Variants in MGAT5 observed in about 807,000 individuals in gnomAD.
The protein encoded by MGAT5 is alpha-1,6-mannosylglycoprotein 6-beta-N-acetylglucosaminyltransferase, also known as alpha-1,6-mannosylglycoprotein 6-beta-N-acetylglucosaminyltransferase A.
Under a neutral mutation model 94.3 loss-of-function variants are expected in MGAT5, and 30 were observed. That is an observed-to-expected ratio of 0.32 (90% CI 0.24 to 0.43). The LOEUF is 0.43. Ranked by LOEUF, MGAT5 falls within the 20% of genes least tolerant of loss-of-function variation. MGAT5 has a pLI of 1.00. For missense variants in MGAT5, 691 were observed against 905.5 expected (o/e 0.76, Z 3.04); for synonymous variants, 310 against 322.9 (o/e 0.96, Z 0.43).
chr2:134,189,007 C>T (rs1274750401), intron 1 of MGAT5, among the ~76,000 whole-genome samples: 2 of 152,170 alleles, frequency 1.3e-5, no homozygotes, highest in Non-Finnish European at 2.9e-5. Context: ...CTGGGAGGGT[C>T]GCGAATGCAG....
At chr2:134,137,757 T>G (rs1314298997) in intron 1 of MGAT5, among the ~76,000 whole-genome samples, 2 of 152,206 alleles carry the variant, frequency 1.3e-5, no homozygotes, top group African/African-American at 4.8e-5. Context: ...TTTTTCTGCT[T>G]CATTTTTCTA....
chr2:134,182,619 A>G (rs1688790451), intron 1 of MGAT5, among the ~76,000 whole-genome samples: 1 of 152,166 alleles, frequency 6.6e-6, no homozygotes, highest in South Asian at 2.1e-4. Context: ...CAAAACATGC[A>G]CAGCCCTGGA....
Position 134,349,883 on chromosome 2 carries a change from C to T in MGAT5, c.1191C>T (p.His397=). The T allele has an allele frequency of 6.2e-7, 1 of 1,613,658 alleles. No homozygotes were observed. Among genetic ancestry groups the T allele is most frequent in the Non-Finnish European group, 8.5e-7 (1 of 1,179,696 alleles). Residue 397 remains histidine (H), a synonymous_variant, in exon 9 of 16, where the codon CAC becomes CAT. Coordinates refer to ENST00000281923, the MANE Select transcript of MGAT5 (RefSeq NM_002410.5). ...NHANYAQSKG[H]KTPWGKWNLN... is the part of the protein sequence containing the mutation. ...CAAATTATGCCCAATCGAAAGGCCA[C>T]AAGACCCCTTGGGGAAAATGGAATC...
intron 10 of MGAT5, among the ~76,000 whole-genome samples, chr2:134,389,867 C>G (rs2106245168): frequency 6.6e-6 from 1 of 152,304 alleles, no homozygotes; most frequent in Non-Finnish European, 1.5e-5. Context: ...CTTTCCCTTT[C>G]TCACATTCAA....
At chr2:134,330,755 A>T (rs760368263) in intron 4 of MGAT5, among the ~76,000 whole-genome samples, 1 of 152,148 alleles carries the variant, frequency 6.6e-6, no homozygotes, top group Non-Finnish European at 1.5e-5. Context: ...GACTTCTCGT[A>T]TGCATTTCTC....
At chr2:134,379,317 C>T (rs1039745483) in intron 10 of MGAT5, among the ~76,000 whole-genome samples, 1 of 152,180 alleles carries the variant, frequency 6.6e-6, no homozygotes, top group African/African-American at 2.4e-5. Flanking sequence ...TCAAATATTC[C>T]TTTCCAGCTT....
intron 10 of MGAT5, 141 bp from the exon 11 acceptor site, chr2:134,402,847 T>C (rs1258418195): frequency 5.2e-6 from 4 of 769,382 alleles, no homozygotes; most frequent in Admixed American, 3.6e-5. Context: ...ATTTTAGCAG[T>C]TTGATTGCCA....
At chr2:134,379,623 G>A (rs1381430462) in intron 10 of MGAT5, among the ~76,000 whole-genome samples, 1 of 152,236 alleles carries the variant, frequency 6.6e-6, no homozygotes, top group Admixed American at 6.5e-5. Flanking sequence ...TTACCAGCGA[G>A]CGATCATGGC....
At chr2:134,285,138 TAAA>T (rs1684925552) in intron 2 of MGAT5, among the ~76,000 whole-genome samples, 1 of 152,194 alleles carries the variant, frequency 6.6e-6, no homozygotes, top group Admixed American at 6.5e-5. Flanking sequence ...ATTTAAAAAT[TAAA>T]AACACTTTTT....
At chr2:134,341,990 A>C (rs1337600025) in intron 7 of MGAT5, among the ~76,000 whole-genome samples, 2 of 152,180 alleles carry the variant, frequency 1.3e-5, no homozygotes, top group Non-Finnish European at 2.9e-5. Context: ...TGAATGCCAG[A>C]AAATTCAAAC....
intron 1 of MGAT5, among the ~76,000 whole-genome samples, chr2:134,136,283 G>C (rs1686406218): frequency 6.6e-6 from 1 of 152,110 alleles, no homozygotes; most frequent in Admixed American, 6.5e-5. Context: ...AAAAAATTGG[G>C]GGGCCAGACG....
intron 2 of MGAT5, among the ~76,000 whole-genome samples, chr2:134,306,683 A>G (rs1051431394): frequency 3.9e-5 from 6 of 152,114 alleles, no homozygotes; most frequent in African/African-American, 9.7e-5. Context: ...CAGGTACAGT[A>G]CCTGGAGCCA....
intron 15 of MGAT5, among the ~76,000 whole-genome samples, chr2:134,445,757 G>T (rs935228746): frequency 2.0e-5 from 3 of 152,196 alleles, no homozygotes; most frequent in African/African-American, 7.2e-5. Flanking sequence ...AGGAGGATGT[G>T]CTTGTTTGTG....
intron 1 of MGAT5, 135 bp downstream of exon 1, chr2:134,254,779 G>T: frequency 8.0e-7 from 1 of 1,247,870 alleles, no homozygotes; most frequent in South Asian, 1.5e-5. Context: ...ATTGCACACA[G>T]AGAGGCATCT....
chr2:134,235,846 G>T (rs1407555791), intron 1 of MGAT5, among the ~76,000 whole-genome samples: 1 of 151,930 alleles, frequency 6.6e-6, no homozygotes, highest in Non-Finnish European at 1.5e-5. Flanking sequence ...TAAAAGGGGA[G>T]GGGGCACAGT....
chr2:134,147,766 A>G lies in MGAT5; in HGVS notation c.-143+27475A>G, dbSNP rs149750278. Among the ~76,000 whole-genome samples the G allele has an allele frequency of 3.9e-3, 587 of 152,320 alleles. 5 individuals carry two copies. Among genetic ancestry groups the G allele is most frequent in the African/African-American group, 0.013 (556 of 41,564 alleles). On this transcript the variant is annotated intron_variant, in intron 1 of 16. Coordinates refer to the MGAT5 transcript ENST00000409645. ...TCCTATGACTGTGTTCACTGATGGC[A>G]TCCTGTCCTCCTCCTTCCACGTCTA...
chr2:134,317,509 T>G lies in MGAT5; in HGVS notation c.407-20T>G, dbSNP rs779296651. 1.3e-6 allele frequency: 2 copies of G among 1,524,364 alleles called. No homozygotes were observed. The highest frequency in any genetic ancestry group is 1.2e-5 in the South Asian group (1 of 81,550). 94.4% of individuals were successfully genotyped at this position (1,524,364 alleles called of 1,614,324 possible). A position where few individuals can be genotyped will look rare whatever the true frequency, so the allele number is the denominator to read the frequency against. On this transcript the variant is annotated intron_variant, in intron 2 of 15. Coordinates refer to ENST00000281923, the MANE Select transcript of MGAT5 (RefSeq NM_002410.5). ...TTTATAGATCTCATTGTATCCTTTG[T>G]TGTTTTTCATTCTTCACAGATATCA...
At position 134,372,255 on chromosome 2, in the gene MGAT5, C is replaced by T. The variant is rs141668664; in HGVS notation, c.1380+9847C>T. 1.8e-3 allele frequency among the ~76,000 whole-genome samples: 270 copies of T among 152,344 alleles called. 1 individual carries two copies. Among genetic ancestry groups the T allele is most frequent in the African/African-American group, 6.3e-3 (260 of 41,576 alleles). Reference sequence around the variant, plus strand: ...CTATTCCTTTGTTTTACCTCGGTTGCATCCAGTGCTCCGGGCCTTTGCTTC... The same window carrying T: ...CTATTCCTTTGTTTTACCTCGGTTGTATCCAGTGCTCCGGGCCTTTGCTTC... On this transcript the variant is annotated intron_variant, in intron 10 of 15. Transcript: ENST00000281923.
At chr2:134,384,809 A>T (rs1681868835) in intron 10 of MGAT5, among the ~76,000 whole-genome samples, 1 of 152,262 alleles carries the variant, frequency 6.6e-6, no homozygotes, top group Non-Finnish European at 1.5e-5. Context: ...CAATCCAAAT[A>T]AAAATGGTAG....
Sources: gnomAD v4.1 joint callset for allele counts (sites outside exome capture counted in the v4.1 genomes callset) on GRCh38, gnomAD v4.1.1 for gene constraint, MANE v1.5 for transcripts, NCBI Gene and HGNC (gene_info 2026-07-23, HGNC 2026-07-21) for gene names.